Variants in POLK observed in about 807,000 individuals in gnomAD.
POLK encodes DNA polymerase kappa.
POLK carries 76 observed loss-of-function variants against 94.0 expected under a neutral mutation model. The ratio of observed to expected loss-of-function variants is 0.81; its 90% CI spans 0.67 to 0.98. The LOEUF (loss-of-function observed/expected upper bound fraction) is 0.98, where lower values mean the gene tolerates loss of function less well. POLK is among the 50% of genes least tolerant of loss of function. POLK has a pLI of 0.00. For missense variants in POLK, 954 were observed against 1,010.1 expected, an observed-to-expected ratio of 0.94 and a Z score of 0.75; for synonymous variants, 349 against 325.4, an observed-to-expected ratio of 1.07 and a Z score of -0.78.
chr5:75,540,978 CA>C lies in POLK; in HGVS notation c.-13-6029del, dbSNP rs1330010477. 7.2e-5 allele frequency among the ~76,000 whole-genome samples: 11 copies of C among 152,104 alleles called. No homozygotes were observed. In the East Asian group the frequency reaches 2.1e-3, roughly 29 times the overall value. ...TTTATAAAATATGCAACTCATCATCCAAATAGAAACTTAAAAACTTGGAGGC... is the reference window on the plus strand; with the variant it reads ...TTTATAAAATATGCAACTCATCATCCAATAGAAACTTAAAAACTTGGAGGC... On this transcript the variant is annotated intron_variant, in intron 1 of 14. Coordinates refer to ENST00000241436, the Ensembl canonical transcript of POLK.
chr5:75,544,533 T>C lies in POLK; in HGVS notation c.-13-2477T>C, dbSNP rs1174767233. Among the ~76,000 whole-genome samples the C allele has an allele frequency of 3.8e-4, 58 of 152,050 alleles. 1 individual carries two copies. The highest frequency in any genetic ancestry group is 7.4e-5 in the Non-Finnish European group (5 of 68,010). ...GGTGTGCACCTGTAGTTCAAGCTACTTGGGAGGCTGAGGCAGGAGAATCGC... is the reference window on the plus strand; with the variant it reads ...GGTGTGCACCTGTAGTTCAAGCTACCTGGGAGGCTGAGGCAGGAGAATCGC... On this transcript the variant is annotated intron_variant, in intron 1 of 14. Transcript: ENST00000241436.
chr5:75,521,087 C>T (rs1768557748), intron 1 of POLK, among the ~76,000 whole-genome samples: 1 of 151,926 alleles, frequency 6.6e-6, no homozygotes, highest in African/African-American at 2.4e-5. Context: ...TATTATATGC[C>T]TTGGGGTAGT....
Position 75,595,008 on chromosome 5 carries a change from T to G in POLK, c.1528+959T>G, listed in dbSNP as rs1192953727. On this transcript the variant is annotated intron_variant, in intron 12 of 14. Transcript: ENST00000241436. ...GCTCACGCCTGTAATCTCAACACTTTGGGAGGCCAAGGCAGGTGGATTGCC... is the reference window on the plus strand; with the variant it reads ...GCTCACGCCTGTAATCTCAACACTTGGGGAGGCCAAGGCAGGTGGATTGCC... Among the ~76,000 whole-genome samples, 11 of 152,244 alleles carry G rather than the reference T, an allele frequency of 7.2e-5. No homozygotes were observed. In the East Asian group the frequency reaches 2.1e-3, roughly 29 times the overall value.
chr5:75,578,298 G>A (rs1045532294), intron 6 of POLK, among the ~76,000 whole-genome samples: 1 of 152,122 alleles, frequency 6.6e-6, no homozygotes, highest in South Asian at 2.1e-4. Context: ...TGGGATTAGA[G>A]GCGCGTGCCA....
chr5:75,608,457 A>G, the POLK span, among the ~76,000 whole-genome samples: 1 of 152,150 alleles, frequency 6.6e-6, no homozygotes, highest in Non-Finnish European at 1.5e-5. Context: ...GGCCTCTCAA[A>G]TTGCTGGGAT....
At chr5:75,540,617 G>A (rs1056860741) in intron 1 of POLK, among the ~76,000 whole-genome samples, 1 of 152,102 alleles carries the variant, frequency 6.6e-6, no homozygotes, top group Non-Finnish European at 1.5e-5. Context: ...TATTAAAATT[G>A]TAATATTCTA....
intron 1 of POLK, among the ~76,000 whole-genome samples, chr5:75,522,582 AC>A (rs1207211287): frequency 1.3e-5 from 2 of 152,114 alleles, no homozygotes; most frequent in Non-Finnish European, 2.9e-5. Context: ...ACTGCGGAAA[AC>A]ATTTTGAAAG....
At chr5:75,594,023 C>G in exon 12 of POLK, 2 of 1,610,492 alleles carry the variant, frequency 1.2e-6, no homozygotes, top group Non-Finnish European at 8.5e-7. Flanking sequence ...GCTGATTTTC[C>G]ACATCCCTTG....
At chr5:75,598,168 A>C in exon 15 of POLK, 1 of 416,102 alleles carries the variant, frequency 2.4e-6, no homozygotes, top group Non-Finnish European at 4.3e-6. Flanking sequence ...TCTAAGATAC[A>C]TATACTGATT....
At chr5:75,601,700 T>C (rs1773300482), downstream of POLK, among the ~76,000 whole-genome samples, 1 of 152,152 alleles carries the variant, frequency 6.6e-6, no homozygotes, top group Admixed American at 6.5e-5. Context: ...CTTCCACCAG[T>C]GATTTGCCAG....
At chr5:75,579,360 T>TTTTTTTTTTA (rs1390967337) in intron 6 of POLK, among the ~76,000 whole-genome samples, 7 of 147,690 alleles carry the variant, frequency 4.7e-5, no homozygotes, top group African/African-American at 1.8e-4. Context: ...ACAGTCTTTA[T>TTTTTTTTTTA]TTTTTTTTTA....
chr5:75,590,697 T>C (rs1016554727), intron 11 of POLK, among the ~76,000 whole-genome samples: 1 of 152,220 alleles, frequency 6.6e-6, no homozygotes, highest in Non-Finnish European at 1.5e-5. Context: ...ACTTTACTTC[T>C]GTACCTCAGG....
the POLK span, among the ~76,000 whole-genome samples, chr5:75,607,151 G>A: frequency 1.3e-5 from 2 of 152,158 alleles, no homozygotes; most frequent in East Asian, 3.9e-4. Flanking sequence ...CCATGTGACT[G>A]AGTTTTGACT....
At chr5:75,538,547 C>A (rs924256468) in intron 1 of POLK, 5 of 152,114 alleles carry the variant, frequency 3.3e-5, no homozygotes, top group African/African-American at 1.2e-4. Flanking sequence ...GTTATAGTAT[C>A]TCAGAGGAGA....
At chr5:75,546,510 A>C (rs1770027918) in intron 1 of POLK, among the ~76,000 whole-genome samples, 1 of 152,144 alleles carries the variant, frequency 6.6e-6, no homozygotes, top group Non-Finnish European at 1.5e-5. Context: ...AGTAGCTAAA[A>C]ATTCTTAACT....
At chr5:75,525,619 G>T (rs192290490) in intron 1 of POLK, among the ~76,000 whole-genome samples, 1 of 152,028 alleles carries the variant, frequency 6.6e-6, no homozygotes, top group South Asian at 2.1e-4. Context: ...GGAAGAGGAA[G>T]AAACAATAGT....
At chr5:75,557,273 A>C (rs1770681140) in intron 3 of POLK, among the ~76,000 whole-genome samples, 1 of 152,102 alleles carries the variant, frequency 6.6e-6, no homozygotes, top group African/African-American at 2.4e-5. Flanking sequence ...TCAGTCCTTC[A>C]GTTTTGTTCT....
intron 1 of POLK, among the ~76,000 whole-genome samples, chr5:75,537,648 A>G (rs1184372748): frequency 6.6e-6 from 1 of 152,084 alleles, no homozygotes; most frequent in South Asian, 2.1e-4. Context: ...CTTCTGCTAT[A>G]ATCTATTTGT....
intron 3 of POLK, among the ~76,000 whole-genome samples, chr5:75,564,886 T>A (rs1362468485): frequency 6.6e-6 from 1 of 152,192 alleles, no homozygotes; most frequent in Non-Finnish European, 1.5e-5. Context: ...GAGGAGTATC[T>A]TGTGTTTTTC....
Sources: gnomAD v4.1 joint callset for allele counts (sites outside exome capture counted in the v4.1 genomes callset) on GRCh38, gnomAD v4.1.1 for gene constraint, MANE v1.5 for transcripts, NCBI Gene and HGNC (gene_info 2026-07-23, HGNC 2026-07-21) for gene names.